Variants in CSMD3 observed in about 807,000 individuals in gnomAD.
The protein encoded by CSMD3 is CUB and Sushi multiple domains 3.
A neutral mutation model predicts 435.2 loss-of-function variants in CSMD3; 177 were observed. The observed-to-expected ratio is 0.41, with a 90% CI of 0.36 to 0.46. CSMD3 has a LOEUF of 0.46. Among genes scored for constraint, CSMD3 ranks in the 20% least tolerant of loss-of-function variants. The probability of loss-of-function intolerance (pLI) is 0.34; values close to 1 mark genes in which losing one functional copy is unlikely to be tolerated. For missense variants in CSMD3, 4,265 were observed against 4,504.6 expected, an observed-to-expected ratio of 0.95 and a Z score of 1.52; for synonymous variants, 1,656 against 1,520.5, an observed-to-expected ratio of 1.09 and a Z score of -2.07.
chr8:112,976,153 G>A lies in CSMD3; in HGVS notation c.1031-5C>T, dbSNP rs1044108447. 1.2e-6 allele frequency: 2 copies of A among 1,613,732 alleles called. No individual in the cohort carries two copies. Among genetic ancestry groups the A allele is most frequent in the Non-Finnish European group, 1.7e-6 (2 of 1,179,752 alleles). On this transcript the variant is annotated splice_region_variant and splice_polypyrimidine_tract_variant and intron_variant, in intron 6 of 70. Coordinates refer to ENST00000297405, the MANE Select transcript of CSMD3 (RefSeq NM_198123.2). ...TGTGGGTCAATGTAGAAGAACCTGT[G>A]GGACACAGTAGCACTAGATGCTAAC...
At chr8:112,900,483 C>T (rs1314912745) in intron 10 of CSMD3, among the ~76,000 whole-genome samples, 1 of 151,070 alleles carries the variant, frequency 6.6e-6, no homozygotes, top group Non-Finnish European at 1.5e-5. Flanking sequence ...GCAACTGATA[C>T]CTTGTTCTCT....
chr8:112,690,181 C>T, intron 13 of CSMD3, 131 bp from the exon 14 acceptor site: 8 of 531,476 alleles, frequency 1.5e-5, no homozygotes, highest in Admixed American at 3.4e-5. Flanking sequence ...ATTCTCCAAT[C>T]TTTTTTTTTT....
chr8:113,096,082 T>C (rs2090154566), intron 5 of CSMD3, among the ~76,000 whole-genome samples: 1 of 152,146 alleles, frequency 6.6e-6, no homozygotes, highest in South Asian at 2.1e-4. Flanking sequence ...GAAACAGGAA[T>C]AATTACTTCC....
At chr8:112,345,340 G>C (rs1825564583) in intron 41 of CSMD3, among the ~76,000 whole-genome samples, 1 of 152,076 alleles carries the variant, frequency 6.6e-6, no homozygotes, top group African/African-American at 2.4e-5. Context: ...ATCAACCTAA[G>C]TGTCCATCAT....
intron 3 of CSMD3, among the ~76,000 whole-genome samples, chr8:113,230,237 G>C (rs1341784911): frequency 6.6e-6 from 1 of 151,598 alleles, no homozygotes; most frequent in Non-Finnish European, 1.5e-5. Context: ...GTGCTGGATA[G>C]ACAACATAAC....
chr8:113,207,457 C>T (rs1175097992), intron 3 of CSMD3, among the ~76,000 whole-genome samples: 1 of 151,250 alleles, frequency 6.6e-6, no homozygotes, highest in East Asian at 1.9e-4. Context: ...TCTCGGCTCA[C>T]TGCAAAACTC....
At chr8:112,279,910 T>G (rs570368390) in intron 59 of CSMD3, among the ~76,000 whole-genome samples, 1 of 152,262 alleles carries the variant, frequency 6.6e-6, no homozygotes, top group Non-Finnish European at 1.5e-5. Context: ...TATACGTGGG[T>G]ATCTCAACAG....
At chr8:112,796,786 CA>C (rs1467705255) in intron 13 of CSMD3, among the ~76,000 whole-genome samples, 1 of 151,694 alleles carries the variant, frequency 6.6e-6, no homozygotes, top group Non-Finnish European at 1.5e-5. Context: ...ATAGTTTTGG[CA>C]AACAAAAAAA....
intron 59 of CSMD3, among the ~76,000 whole-genome samples, chr8:112,267,972 C>A (rs1449336787): frequency 6.6e-6 from 1 of 151,576 alleles, no homozygotes; most frequent in Non-Finnish European, 1.5e-5. Context: ...AGGAAAAAAA[C>A]CTTAGAATAG....
At chr8:112,806,365 G>A (rs2079085374) in intron 12 of CSMD3, among the ~76,000 whole-genome samples, 1 of 152,178 alleles carries the variant, frequency 6.6e-6, no homozygotes, top group South Asian at 2.1e-4. Flanking sequence ...AAATTTCTCA[G>A]TTTCCTTGGA....
intron 9 of CSMD3, among the ~76,000 whole-genome samples, chr8:112,945,178 C>A (rs555451372): frequency 1.3e-5 from 2 of 151,576 alleles, no homozygotes; most frequent in East Asian, 2.0e-4. Context: ...TAATTCTTTC[C>A]TTTTTCTTAC....
At chr8:113,387,374 C>A (rs1243592179) in intron 1 of CSMD3, among the ~76,000 whole-genome samples, 5 of 151,660 alleles carry the variant, frequency 3.3e-5, no homozygotes, top group African/African-American at 1.2e-4. Context: ...TATCACTTGT[C>A]CAATTTATAC....
At chr8:113,117,493 G>A (rs1564334559) in intron 4 of CSMD3, among the ~76,000 whole-genome samples, 1 of 152,210 alleles carries the variant, frequency 6.6e-6, no homozygotes, top group African/African-American at 2.4e-5. Context: ...TCTCTGCTAG[G>A]GCATTGTGGA....
chr8:113,324,696 A>C (rs1313939048), intron 1 of CSMD3, among the ~76,000 whole-genome samples: 2 of 152,150 alleles, frequency 1.3e-5, no homozygotes, highest in Admixed American at 6.5e-5. Context: ...GGCACCACCT[A>C]CTGGAGCTGT....
intron 13 of CSMD3, among the ~76,000 whole-genome samples, chr8:112,710,279 A>G (rs2076584356): frequency 6.6e-6 from 1 of 152,192 alleles, no homozygotes; most frequent in Non-Finnish European, 1.5e-5. Context: ...ACTTGAGAAC[A>G]AACTACTGTT....
At chr8:112,913,669 CT>C (rs942489727) in intron 10 of CSMD3, among the ~76,000 whole-genome samples, 5 of 150,720 alleles carry the variant, frequency 3.3e-5, no homozygotes, top group Non-Finnish European at 7.4e-5. Context: ...CTCTGTTTTT[CT>C]TTTTTTTTCT....
Position 113,130,190 on chromosome 8 carries a change from C to T in CSMD3, c.710-31227G>A, listed in dbSNP as rs560930576. ...AAATTTGCACATAATAGTGACAGATCAGAGAAAAATAAAGCTAGGAAAAAG... is the reference window on the plus strand; with the variant it reads ...AAATTTGCACATAATAGTGACAGATTAGAGAAAAATAAAGCTAGGAAAAAG... On this transcript the variant is annotated intron_variant, in intron 4 of 70. Transcript: ENST00000297405. 8.5e-5 allele frequency among the ~76,000 whole-genome samples: 13 copies of T among 152,072 alleles called. 1 individual carries two copies. The South Asian group carries it at 1.2e-3, about 15-fold the overall frequency.
At chr8:112,467,701 G>A (rs1818100554) in intron 32 of CSMD3, among the ~76,000 whole-genome samples, 1 of 152,080 alleles carries the variant, frequency 6.6e-6, no homozygotes, top group Non-Finnish European at 1.5e-5. Flanking sequence ...AATAGGTGGT[G>A]TCATTATAAG....
chr8:113,292,431 CA>C (rs2093692748), intron 2 of CSMD3, among the ~76,000 whole-genome samples: 1 of 151,402 alleles, frequency 6.6e-6, no homozygotes, highest in Non-Finnish European at 1.5e-5. Context: ...ATACATAAAA[CA>C]AAAGCATATT....
Sources: gnomAD v4.1 joint callset for allele counts (sites outside exome capture counted in the v4.1 genomes callset) on GRCh38, gnomAD v4.1.1 for gene constraint, MANE v1.5 for transcripts, NCBI Gene and HGNC (gene_info 2026-07-23, HGNC 2026-07-21) for gene names.